Variants in TMC1 observed in about 807,000 individuals in gnomAD.
TMC1 encodes transmembrane channel like 1, also known as transmembrane channel-like protein 1.
TMC1 carries 84 observed loss-of-function variants against 105.8 expected under a neutral mutation model. The ratio of observed to expected loss-of-function variants is 0.79; its 90% CI spans 0.67 to 0.95. The LOEUF (loss-of-function observed/expected upper bound fraction) is 0.95, where lower values mean the gene tolerates loss of function less well. Ranked by LOEUF, TMC1 falls within the 40% of genes least tolerant of loss-of-function variation. The pLI, the probability that TMC1 is intolerant of heterozygous loss-of-function variation, is 0.00. For missense variants in TMC1, 817 were observed against 914.1 expected (o/e 0.89, Z 1.37); for synonymous variants, 315 against 311.5 (o/e 1.01, Z -0.12).
At chr9:72,561,353 A>AAG (rs1824048909) in intron 1 of TMC1, among the ~76,000 whole-genome samples, 1 of 151,578 alleles carries the variant, frequency 6.6e-6, no homozygotes, top group African/African-American at 2.4e-5. Flanking sequence ...GAGAGAGAAA[A>AAG]TAACTCAGCT....
At chr9:72,743,365 T>A (rs1588060686) in intron 10 of TMC1, among the ~76,000 whole-genome samples, 1 of 117,818 alleles carries the variant, frequency 8.5e-6, no homozygotes, top group Non-Finnish European at 1.7e-5. Context: ...AGACTCCGTC[T>A]CACAAAAAAA....
chr9:72,601,169 TACAC>T (rs753598002), intron 2 of TMC1, among the ~76,000 whole-genome samples: 20 of 148,380 alleles, frequency 1.3e-4, no homozygotes, highest in South Asian at 4.3e-4. Context: ...ACACTGTTTC[TACAC>T]ACACACACAC....
intron 11 of TMC1, among the ~76,000 whole-genome samples, chr9:72,753,037 C>A (rs962657264): frequency 6.6e-6 from 1 of 152,124 alleles, no homozygotes; most frequent in African/African-American, 2.4e-5. Context: ...TAGCTAACAT[C>A]TTGGAATATA....
chr9:72,796,800 T>A (rs1828378286), intron 17 of TMC1, among the ~76,000 whole-genome samples: 1 of 152,118 alleles, frequency 6.6e-6, no homozygotes, highest in Admixed American at 6.5e-5. Flanking sequence ...GCATTCCCCT[T>A]GAAAACCAGC....
intron 1 of TMC1, among the ~76,000 whole-genome samples, chr9:72,526,090 C>T (rs1461930475): frequency 6.6e-6 from 1 of 152,158 alleles, no homozygotes; most frequent in African/African-American, 2.4e-5. Context: ...GCACCAGCCC[C>T]TTGCTTTGGG....
Position 72,629,698 on chromosome 9 carries a change from G to A in TMC1, c.-53+1635G>A, listed in dbSNP as rs968983654. 1.3e-3 allele frequency among the ~76,000 whole-genome samples: 197 copies of A among 152,194 alleles called. 2 individuals are homozygous for A. Among genetic ancestry groups the A allele is most frequent in the Non-Finnish European group, 5.3e-4 (36 of 68,010 alleles). ...TAACTTATATGAGACATAGCAAATT[G>A]TTTGCTTTAACTAGAAAATAGTGGT... On this transcript the variant is annotated intron_variant, in intron 4 of 23. Transcript: ENST00000297784.
At chr9:72,784,218 C>A (rs1828134843) in intron 13 of TMC1, among the ~76,000 whole-genome samples, 1 of 152,034 alleles carries the variant, frequency 6.6e-6, no homozygotes, top group African/African-American at 2.4e-5. Context: ...AACTAACCAG[C>A]AAAAACAAAA....
At chr9:72,538,467 T>C (rs1311830058) in intron 1 of TMC1, among the ~76,000 whole-genome samples, 1 of 142,260 alleles carries the variant, frequency 7.0e-6, no homozygotes, top group Non-Finnish European at 1.6e-5. Flanking sequence ...GACAGAGCCT[T>C]GCTCTGTCAT....
intron 13 of TMC1, among the ~76,000 whole-genome samples, chr9:72,776,190 G>A (rs931652999): frequency 8.6e-5 from 13 of 151,748 alleles, no homozygotes; most frequent in East Asian, 3.9e-4. Context: ...TGTGCTATAC[G>A]TAACCCTTAA....
intron 1 of TMC1, among the ~76,000 whole-genome samples, chr9:72,525,555 A>C (rs1290370531): frequency 1.3e-5 from 2 of 152,194 alleles, no homozygotes; most frequent in Non-Finnish European, 2.9e-5. Context: ...CACAGATGAC[A>C]CTCAGCCAAT....
chr9:72,638,297 AT>A (rs1825567380), intron 4 of TMC1, among the ~76,000 whole-genome samples: 1 of 152,114 alleles, frequency 6.6e-6, no homozygotes, highest in South Asian at 2.1e-4. Context: ...GTGTGCATTC[AT>A]TCCCTGAGTA....
intron 23 of TMC1, among the ~76,000 whole-genome samples, chr9:72,835,043 A>G (rs1208975921): frequency 6.6e-6 from 1 of 152,134 alleles, no homozygotes; most frequent in African/African-American, 2.4e-5. Context: ...ATAAGTCATT[A>G]TCATTAATCT....
chr9:72,736,325 T>C (rs1236986341), intron 8 of TMC1, among the ~76,000 whole-genome samples: 1 of 152,214 alleles, frequency 6.6e-6, no homozygotes, highest in Non-Finnish European at 1.5e-5. Flanking sequence ...TAACTGAGTT[T>C]ATAATTAATT....
intron 8 of TMC1, among the ~76,000 whole-genome samples, chr9:72,726,339 G>C (rs1283872280): frequency 2.0e-5 from 3 of 152,120 alleles, no homozygotes; most frequent in African/African-American, 7.2e-5. Context: ...TCTACATAAT[G>C]ATACATGATT....
At chr9:72,811,274 A>T (rs537048850) in intron 18 of TMC1, among the ~76,000 whole-genome samples, 2 of 152,322 alleles carry the variant, frequency 1.3e-5, no homozygotes, top group East Asian at 1.9e-4. Context: ...ATTTATGGTC[A>T]TAATGTTATC....
At chr9:72,753,088 A>G (rs1388160203) in intron 11 of TMC1, among the ~76,000 whole-genome samples, 1 of 152,092 alleles carries the variant, frequency 6.6e-6, no homozygotes, top group African/African-American at 2.4e-5. Flanking sequence ...CCCATGATTC[A>G]ATCCCTTTCT....
At chr9:72,616,059 T>G (rs1825123186) in intron 2 of TMC1, among the ~76,000 whole-genome samples, 2 of 152,168 alleles carry the variant, frequency 1.3e-5, no homozygotes, top group Admixed American at 1.3e-4. Context: ...TGACCCCATT[T>G]GTTGATGCTT....
chr9:72,667,849 A>T (rs1377535368), intron 5 of TMC1, among the ~76,000 whole-genome samples: 1 of 152,140 alleles, frequency 6.6e-6, no homozygotes, highest in Non-Finnish European at 1.5e-5. Flanking sequence ...TCTTCTTAGG[A>T]TGGGAGTGAT....
intron 8 of TMC1, among the ~76,000 whole-genome samples, chr9:72,732,950 T>C (rs1827238455): frequency 6.6e-6 from 1 of 152,098 alleles, no homozygotes; most frequent in African/African-American, 2.4e-5. Context: ...CTGTTGCTGG[T>C]CCCATTTTAC....
Sources: gnomAD v4.1 joint callset for allele counts (sites outside exome capture counted in the v4.1 genomes callset) on GRCh38, gnomAD v4.1.1 for gene constraint, MANE v1.5 for transcripts, NCBI Gene and HGNC (gene_info 2026-07-23, HGNC 2026-07-21) for gene names.